PDILT: variants seen among roughly 807,000 people sequenced by gnomAD.
PDILT encodes protein disulfide-isomerase-like protein of the testis.
In PDILT, 43 loss-of-function variants were observed where a neutral mutation model predicts 53.7. That is an observed-to-expected ratio of 0.80 (90% confidence interval 0.63 to 1.03). PDILT has a LOEUF of 1.03. Ranked by LOEUF, PDILT falls within the 50% of genes least tolerant of loss-of-function variation. PDILT has a pLI of 0.00. For missense variants in PDILT, 727 were observed against 712.3 expected (o/e 1.02, Z -0.24); for synonymous variants, 282 against 274.2 (o/e 1.03, Z -0.28).
intron 2 of PDILT, among the ~76,000 whole-genome samples, chr16:20,388,164 G>C (rs1278611895): frequency 6.6e-6 from 1 of 152,178 alleles, no homozygotes; most frequent in African/African-American, 2.4e-5. Context: ...AGATGATGAT[G>C]ATGTCACTAT....
chr16:20,372,506 A>G, intron 7 of PDILT, among the ~76,000 whole-genome samples: 1 of 152,232 alleles, frequency 6.6e-6, no homozygotes, highest in East Asian at 1.9e-4. Context: ...GTGGTCCATC[A>G]AAAAAGCAGG....
rs768099117 is a variant in PDILT at position 20,372,916 on chromosome 16, C to G, written c.804G>C (p.Leu268=). Residue 268 remains leucine, a synonymous_variant, in exon 7 of 12, where the codon CTG becomes CTC. Coordinates refer to ENST00000302451, the MANE Select transcript of PDILT (RefSeq NM_174924.2). ...GACTCATGATGTGCAACTCGGAAAT[C>G]AGATCCTTATTCTGAAATGACCAGG... is the stretch of plus-strand genomic sequence containing the variant. ...VIEYNTENKD[L]ISELHIMSHM... The G allele has an allele frequency of 9.9e-6, 16 of 1,613,958 alleles. No homozygotes were observed. The highest frequency in any genetic ancestry group is 1.4e-5 in the Non-Finnish European group (16 of 1,179,962).
chr16:20,392,671 T>G (rs1255263758), intron 2 of PDILT, among the ~76,000 whole-genome samples: 1 of 152,190 alleles, frequency 6.6e-6, no homozygotes, highest in Non-Finnish European at 1.5e-5. Context: ...ATTAATTGAG[T>G]GTCCCTTTTA....
Position 20,360,662 on chromosome 16 carries a change from G to T in PDILT, c.1417-5C>A, listed in dbSNP as rs773321039. ...TTCTCCCTTATACAGGACAGCCTAG[G>T]ATGAAAATGGAACAGGGTCAGGATG... On this transcript the variant is annotated splice_polypyrimidine_tract_variant and splice_region_variant and intron_variant, in intron 10 of 11. Coordinates refer to ENST00000302451, the MANE Select transcript of PDILT (RefSeq NM_174924.2). 1.7e-5 allele frequency: 27 copies of T among 1,602,216 alleles called. 1 individual carries two copies. In the South Asian group the frequency reaches 2.8e-4, roughly 16 times the overall value.
chr16:20,400,065 TATATATA>T (rs1567333500), intron 1 of PDILT, among the ~76,000 whole-genome samples: 4 of 126,020 alleles, frequency 3.2e-5, no homozygotes, highest in African/African-American at 1.2e-4. Context: ...TATATATATA[TATATATA>T]TTTTTTGAGA....
intron 3 of PDILT, among the ~76,000 whole-genome samples, chr16:20,380,138 C>A (rs1201965334): frequency 6.6e-6 from 1 of 152,106 alleles, no homozygotes; most frequent in Non-Finnish European, 1.5e-5. Context: ...CTGCCCTTTC[C>A]ACACTCCAAC....
intron 2 of PDILT, 74 bp from the exon 3 acceptor site, chr16:20,384,925 G>A (rs1966513907): frequency 2.1e-6 from 3 of 1,424,310 alleles, no homozygotes; most frequent in African/African-American, 2.8e-5. Context: ...TATTTGTTGG[G>A]CCTGCTTAGC....
chr16:20,393,474 T>C (rs899612967), intron 2 of PDILT, among the ~76,000 whole-genome samples: 7 of 152,256 alleles, frequency 4.6e-5, no homozygotes, highest in East Asian at 1.9e-4. Flanking sequence ...AATGACCCAA[T>C]TGGACATTCC....
intron 2 of PDILT, among the ~76,000 whole-genome samples, chr16:20,387,823 G>T (rs1458821581): frequency 1.3e-5 from 2 of 152,054 alleles, no homozygotes; most frequent in Non-Finnish European, 2.9e-5. Context: ...GTTTTACCAT[G>T]CTGGCCAGGC....
At chr16:20,369,027 C>T (rs142357103) in intron 8 of PDILT, among the ~76,000 whole-genome samples, 6 of 152,288 alleles carry the variant, frequency 3.9e-5, no homozygotes, top group Admixed American at 2.6e-4. Context: ...TTCCTGTCAG[C>T]GAAATAGACT....
Position 20,369,835 on chromosome 16 carries a change from C to A in PDILT, c.919-146G>T, listed in dbSNP as rs375063797. ...TAACAAAGGCAGGTGGAGCTCTGCA[C>A]CGAAATGCATGGCAGGCAGTAGCCA... On this transcript the variant is annotated intron_variant, in intron 7 of 11. Coordinates refer to ENST00000302451, the MANE Select transcript of PDILT (RefSeq NM_174924.2). The A allele has an allele frequency of 4.3e-3, 3,289 of 770,826 alleles. 107 individuals carry two copies. The South Asian group carries it at 0.053, about 12-fold the overall frequency. 47.7% of individuals were successfully genotyped at this position (770,826 alleles called of 1,614,324 possible).
intron 3 of PDILT, among the ~76,000 whole-genome samples, chr16:20,377,401 G>A (rs754974105): frequency 6.6e-5 from 10 of 152,106 alleles, no homozygotes; most frequent in Non-Finnish European, 1.3e-4. Flanking sequence ...TGGCAAATAT[G>A]TACCGAGTGC....
chr16:20,398,036 A>T (rs1966684074), intron 2 of PDILT, among the ~76,000 whole-genome samples: 1 of 152,178 alleles, frequency 6.6e-6, no homozygotes, highest in South Asian at 2.1e-4. Flanking sequence ...CAAATTGCTG[A>T]TCCTTTCTGA....
rs1344655074 is a variant in PDILT at position 20,360,503 on chromosome 16, T to C, written c.1506+65A>G. On this transcript the variant is annotated intron_variant, in intron 11 of 11. Transcript: ENST00000302451. ...GAACTCCAGCCATACTCTTTTGTTGTCCATTAAGTTCCTAGGGATTCTGTG... is the reference window on the plus strand; with the variant it reads ...GAACTCCAGCCATACTCTTTTGTTGCCCATTAAGTTCCTAGGGATTCTGTG... 6 of 1,364,744 alleles carry C rather than the reference T, an allele frequency of 4.4e-6. No homozygotes were observed. In the African/African-American group the frequency reaches 8.6e-5, roughly 20 times the overall value. The allele number at this position is 1,364,744 out of a possible 1,614,324, so 84.5% of individuals were successfully genotyped here. A position where few individuals can be genotyped will look rare whatever the true frequency, so the allele number is the denominator to read the frequency against.
intron 2 of PDILT, among the ~76,000 whole-genome samples, chr16:20,392,218 A>T (rs1249428717): frequency 1.3e-5 from 2 of 152,156 alleles, no homozygotes; most frequent in Non-Finnish European, 2.9e-5. Flanking sequence ...AACAACCTTG[A>T]GGTTTCTGAC....
rs145948559 is a variant in PDILT, at chr16:20,362,416, G to C, written c.1404C>G (p.Ser468Arg). 1.2e-6 allele frequency: 2 copies of C among 1,613,994 alleles called. No individual in the cohort carries two copies. Among genetic ancestry groups the C allele is most frequent in the African/African-American group, 2.7e-5 (2 of 74,920 alleles). ...AAGAGCCCCTCACTTGTTGAGAGCC[G>C]CTGGGGAACAGCCTGAAGAATGGGT... ...DRYPFFRLFP[S>R]GSQQAVLYKG... The change falls in exon 10 of 12, where the codon AGC (serine) becomes AGG (arginine). Residue 468 changes from serine (S) to arginine (R), a missense_variant. Ser to Arg is a moderately radical substitution (Grantham distance 110). Transcript: ENST00000302451.
At chr16:20,382,231 G>A (rs896403502) in intron 3 of PDILT, among the ~76,000 whole-genome samples, 3 of 152,152 alleles carry the variant, frequency 2.0e-5, no homozygotes, top group African/African-American at 7.2e-5. Context: ...AATTGTTCCA[G>A]GCATTGGACT....
At chr16:20,398,599 C>G (rs1426873140) in intron 2 of PDILT, among the ~76,000 whole-genome samples, 2 of 152,112 alleles carry the variant, frequency 1.3e-5, no homozygotes, top group African/African-American at 4.8e-5. Context: ...CCACTGCACT[C>G]CAGCCTGGGA....
intron 3 of PDILT, among the ~76,000 whole-genome samples, chr16:20,383,224 C>A (rs978812416): frequency 6.6e-6 from 1 of 152,188 alleles, no homozygotes; most frequent in African/African-American, 2.4e-5. Flanking sequence ...CAGTTCTCTC[C>A]TGCCCTTCAG....
Sources: gnomAD v4.1 joint callset for allele counts (sites outside exome capture counted in the v4.1 genomes callset) on GRCh38, gnomAD v4.1.1 for gene constraint, MANE v1.5 for transcripts, NCBI Gene and HGNC (gene_info 2026-07-23, HGNC 2026-07-21) for gene names.